AGAP1: variants seen among roughly 807,000 people sequenced by gnomAD.
AGAP1 encodes the protein arf-GAP with GTPase, ANK repeat and PH domain-containing protein 1.
AGAP1 carries 29 observed loss-of-function variants against 105.3 expected under a neutral mutation model. That is an observed-to-expected ratio of 0.28 (90% CI 0.21 to 0.38). The LOEUF (loss-of-function observed/expected upper bound fraction) is 0.38. AGAP1 is among the 10% of genes least tolerant of loss of function. AGAP1 has a pLI of 1.00. For synonymous variants in AGAP1, 509 were observed against 485.9 expected, an observed-to-expected ratio of 1.05 and a Z score of -0.63; for missense variants, 998 against 1,165.1, an observed-to-expected ratio of 0.86 and a Z score of 2.09.
At chr2:235,652,902 G>A (rs1947642834) in intron 1 of AGAP1, among the ~76,000 whole-genome samples, 1 of 152,096 alleles carries the variant, frequency 6.6e-6, no homozygotes, top group Non-Finnish European at 1.5e-5. Context: ...GGGGCAGGGT[G>A]TAGAGGTTGC....
At chr2:235,593,567 A>G (rs746258053) in intron 1 of AGAP1, among the ~76,000 whole-genome samples, 1 of 152,142 alleles carries the variant, frequency 6.6e-6, no homozygotes, top group East Asian at 1.9e-4. Context: ...CAACTTAAAT[A>G]TGTTTTCCGT....
At chr2:235,774,426 G>A (rs922144254) in intron 6 of AGAP1, 3 of 467,610 alleles carry the variant, frequency 6.4e-6, no homozygotes, top group East Asian at 7.0e-5. Flanking sequence ...CTTCCATCAC[G>A]GCAGGCAGTC....
At chr2:235,805,209 T>C (rs2150082455) in intron 8 of AGAP1, among the ~76,000 whole-genome samples, 1 of 152,316 alleles carries the variant, frequency 6.6e-6, no homozygotes, top group East Asian at 1.9e-4. Flanking sequence ...TTTTGTTTTA[T>C]TTTTGCAATG....
intron 1 of AGAP1, among the ~76,000 whole-genome samples, chr2:235,545,475 C>T (rs906732180): frequency 6.6e-6 from 1 of 152,188 alleles, no homozygotes; most frequent in African/African-American, 2.4e-5. Context: ...CTTTCTGGGT[C>T]TCTTGCACCT....
intron 1 of AGAP1, among the ~76,000 whole-genome samples, chr2:235,590,712 T>TGTGCGTGTGC (rs369129304): frequency 1.7e-5 from 2 of 117,026 alleles, no homozygotes; most frequent in East Asian, 2.5e-4. Flanking sequence ...TGTGTGTGTG[T>TGTGCGTGTGC]GCATTTTTTT....
intron 16 of AGAP1, among the ~76,000 whole-genome samples, chr2:236,069,493 G>A (rs536029309): frequency 6.6e-5 from 10 of 152,146 alleles, no homozygotes; most frequent in South Asian, 2.1e-4. Flanking sequence ...GCACAACCTC[G>A]GCTCACTGCA....
rs2058545034 is a variant in AGAP1 at position 236,073,038 on chromosome 2, C to T, written c.2114+23757C>T. On this transcript the variant is annotated intron_variant, in intron 16 of 17. Coordinates refer to ENST00000304032, the MANE Select transcript of AGAP1 (RefSeq NM_001037131.3). The surrounding 1 kb of genome is among the most constrained non-coding windows in gnomAD (Gnocchi z 5.4). Reference sequence around the variant, plus strand: ...TTCCTAGACAGTCTCGCTGTGTCTCCAGGCTGGAGTGCAGTGGTGCAATCT... The same window carrying T: ...TTCCTAGACAGTCTCGCTGTGTCTCTAGGCTGGAGTGCAGTGGTGCAATCT... 6.6e-6 allele frequency among the ~76,000 whole-genome samples: 1 copy of T among 151,848 alleles called. No individual in the cohort carries two copies.
rs1387187857 is a variant in AGAP1, at chr2:235,934,681, C to T, written c.1483+3758C>T. On this transcript the variant is annotated intron_variant, in intron 12 of 17. Transcript: ENST00000304032. This position sits in a 1 kb window ranked among gnomAD's most constrained non-coding sequence, Gnocchi z 4.9. ...CGGTGATATAAGTCCCCCCTGCCCCCACTTCCTTTTCGAATGTATCTGCCC... is the reference window on the plus strand; with the variant it reads ...CGGTGATATAAGTCCCCCCTGCCCCTACTTCCTTTTCGAATGTATCTGCCC... Among the ~76,000 whole-genome samples, 1 of 152,110 alleles carries T rather than the reference C, an allele frequency of 6.6e-6. No homozygotes were observed. Among genetic ancestry groups the T allele is most frequent in the African/African-American group, 2.4e-5 (1 of 41,422 alleles).
intron 1 of AGAP1, among the ~76,000 whole-genome samples, chr2:235,630,518 A>C (rs1210253757): frequency 6.6e-6 from 1 of 151,980 alleles, no homozygotes; most frequent in African/African-American, 2.4e-5. Context: ...GCCCCTGTAC[A>C]TTGTTTTTTT....
At position 235,737,433 on chromosome 2, in the gene AGAP1, T is replaced by A. The variant is rs965342888; in HGVS notation, c.311-3530T>A. 6.6e-6 allele frequency among the ~76,000 whole-genome samples: 1 copy of A among 152,184 alleles called. No individual in the cohort carries two copies. The highest frequency in any genetic ancestry group is 2.4e-5 in the African/African-American group (1 of 41,454). ...TGATGAGAGAAGGAATCACTGCTCC[T>A]TTTAGAGGCAATGAAAGTTGGGCCT... is the stretch of plus-strand genomic sequence containing the variant. On this transcript the variant is annotated intron_variant, in intron 3 of 17. Coordinates refer to ENST00000304032, the MANE Select transcript of AGAP1 (RefSeq NM_001037131.3). This position sits in a 1 kb window ranked among gnomAD's most constrained non-coding sequence, Gnocchi z 4.5.
rs1208013029 is a variant in AGAP1 at position 235,523,691 on chromosome 2, C to G, written c.163+28842C>G. 2.0e-5 allele frequency among the ~76,000 whole-genome samples: 3 copies of G among 152,274 alleles called. No homozygotes were observed. In the East Asian group the frequency reaches 5.8e-4, roughly 29 times the overall value. The stretch of plus-strand genomic sequence containing the variant: ...TGGGAATGGGTGTCTGCAGGGGAGG[C>G]TGCACAGACATGGCGGGGGGTGGTG... On this transcript the variant is annotated intron_variant, in intron 1 of 17. Coordinates refer to ENST00000304032, the MANE Select transcript of AGAP1 (RefSeq NM_001037131.3).
At chr2:235,762,271 G>T (rs1422498518) in intron 6 of AGAP1, among the ~76,000 whole-genome samples, 1 of 152,156 alleles carries the variant, frequency 6.6e-6, no homozygotes, top group Non-Finnish European at 1.5e-5. Context: ...TCCTTTTTAA[G>T]TTGTGAAGTT....
chr2:235,999,101 A>T (rs1044491387), intron 13 of AGAP1, among the ~76,000 whole-genome samples: 11 of 137,410 alleles, frequency 8.0e-5, no homozygotes, highest in Non-Finnish European at 1.6e-4. Flanking sequence ...TGATGGTGAG[A>T]GGTGGTGGTG....
In AGAP1 at chr2:235,750,974, C is replaced by T. The variant is rs1953380479; in HGVS notation, c.673+486C>T. Among the ~76,000 whole-genome samples, 1 of 152,160 alleles carries T rather than the reference C, an allele frequency of 6.6e-6. No individual in the cohort carries two copies. The highest frequency in any genetic ancestry group is 1.5e-5 in the Non-Finnish European group (1 of 68,036). On this transcript the variant is annotated intron_variant, in intron 6 of 17. Transcript: ENST00000304032. The surrounding 1 kb of genome is among the most constrained non-coding windows in gnomAD (Gnocchi z 5.3). ...AAAATAATAAAATGACACGATACCA[C>T]TCACAGCAGAGGGTGAGGACCAGCC...
At position 235,729,519 on chromosome 2, in the gene AGAP1, C is replaced by T. The variant is rs1951828940; in HGVS notation, c.311-11444C>T. Reference sequence around the variant, plus strand: ...TAGGGGCAGTCTCACGGCGGTCTCACCTCTGCCACCTGTGGATGAGAGGCT... The same window carrying T: ...TAGGGGCAGTCTCACGGCGGTCTCATCTCTGCCACCTGTGGATGAGAGGCT... On this transcript the variant is annotated intron_variant, in intron 3 of 17. Coordinates refer to ENST00000304032, the MANE Select transcript of AGAP1 (RefSeq NM_001037131.3). The surrounding 1 kb of genome is among the most constrained non-coding windows in gnomAD (Gnocchi z 5.0). 6.6e-6 allele frequency among the ~76,000 whole-genome samples: 1 copy of T among 152,148 alleles called. No individual in the cohort carries two copies. The highest frequency in any genetic ancestry group is 1.5e-5 in the Non-Finnish European group (1 of 68,044).
rs536715136 is a variant in AGAP1 at position 235,555,296 on chromosome 2, G to A, written c.163+60447G>A. ...CTGCCCTGTCTCTTTGTGTTCGTTGGTCTCCATTTCTAGTGTCTGAGTAAA... is the reference window on the plus strand; with the variant it reads ...CTGCCCTGTCTCTTTGTGTTCGTTGATCTCCATTTCTAGTGTCTGAGTAAA... On this transcript the variant is annotated intron_variant, in intron 1 of 17. Transcript: ENST00000304032. The surrounding 1 kb of genome is among the most constrained non-coding windows in gnomAD (Gnocchi z 5.1). Among the ~76,000 whole-genome samples, 2 of 152,250 alleles carry A rather than the reference G, an allele frequency of 1.3e-5. No homozygotes were observed. Among genetic ancestry groups the A allele is most frequent in the East Asian group, 3.9e-4 (2 of 5,174 alleles).
rs376344263 is a variant in AGAP1, at chr2:235,807,222, T to C, written c.958-17T>C. On this transcript the variant is annotated splice_polypyrimidine_tract_variant and intron_variant, in intron 8 of 17. Coordinates refer to ENST00000304032, the MANE Select transcript of AGAP1 (RefSeq NM_001037131.3). ...CACAGCCCTTACCCAGATGCCAACT[T>C]TCCTTTTGCTTTGCAGTCTCGGAAA... The C allele has an allele frequency of 9.9e-6, 16 of 1,608,518 alleles. No homozygotes were observed. The highest frequency in any genetic ancestry group is 1.4e-5 in the Non-Finnish European group (16 of 1,178,668).
intron 16 of AGAP1, among the ~76,000 whole-genome samples, chr2:236,115,532 G>T (rs1489035051): frequency 1.3e-5 from 2 of 152,178 alleles, no homozygotes; most frequent in African/African-American, 4.8e-5. Context: ...TTTCCCCCTG[G>T]TATCTGGATG....
chr2:235,683,789 G>A (rs1437523207), intron 1 of AGAP1, among the ~76,000 whole-genome samples: 1 of 151,514 alleles, frequency 6.6e-6, no homozygotes, highest in Non-Finnish European at 1.5e-5. Flanking sequence ...ATGTTGGCTT[G>A]CTGCACCCAT....
Sources: allele counts gnomAD v4.1 joint callset (sites outside exome capture counted in the v4.1 genomes callset), GRCh38; gene constraint gnomAD v4.1.1; non-coding constraint Gnocchi (gnomAD v3.1); transcripts MANE v1.5; gene names NCBI Gene and HGNC (gene_info 2026-07-23, HGNC 2026-07-21).